Variants in KATNB1 observed in about 807,000 individuals in gnomAD.
KATNB1 encodes the protein katanin p80 WD40 repeat-containing subunit B1.
A neutral mutation model predicts 82.3 loss-of-function variants in KATNB1; 38 were observed. That is an observed-to-expected ratio of 0.46 (90% CI 0.36 to 0.61). The LOEUF (loss-of-function observed/expected upper bound fraction) is 0.61. KATNB1 is among the 20% of genes least tolerant of loss of function. The probability of loss-of-function intolerance (pLI) is 0.00; values close to 1 mark genes in which losing one functional copy is unlikely to be tolerated. For missense variants in KATNB1, 749 were observed against 915.7 expected (o/e 0.82, Z 2.35); for synonymous variants, 361 against 368.7 (o/e 0.98, Z 0.24).
intron 4 of KATNB1, 27 bp from the exon 5 acceptor site, chr16:57,750,800 C>T (rs376345574): frequency 1.1e-5 from 18 of 1,585,894 alleles, no homozygotes; most frequent in Non-Finnish European, 1.5e-5. Context: ...GCCTCTTAGC[C>T]ACTGTCTCTG....
intron 4 of KATNB1, among the ~76,000 whole-genome samples, chr16:57,750,411 C>T (rs531952920): frequency 6.6e-6 from 1 of 152,326 alleles, no homozygotes; most frequent in African/African-American, 2.4e-5. Flanking sequence ...GGGTGGATCA[C>T]TTGAGGTCAG....
At chr16:57,749,643 T>G (rs532020590) in intron 4 of KATNB1, among the ~76,000 whole-genome samples, 1 of 152,210 alleles carries the variant, frequency 6.6e-6, no homozygotes, top group Non-Finnish European at 1.5e-5. Context: ...TAGTGAATTA[T>G]GAATCTTTCC....
At chr16:57,747,497 C>T (rs1283483682) in intron 4 of KATNB1, among the ~76,000 whole-genome samples, 2 of 152,190 alleles carry the variant, frequency 1.3e-5, no homozygotes, top group Non-Finnish European at 2.9e-5. Flanking sequence ...GTGATGCTTG[C>T]CTACTCAGTG....
chr16:57,741,576 T>C (rs2049142193), intron 2 of KATNB1, 111 bp from the exon 3 acceptor site: 3 of 1,188,548 alleles, frequency 2.5e-6, no homozygotes, highest in Non-Finnish European at 3.6e-6. Flanking sequence ...AGGAGGCAGA[T>C]CCTTCCACTG....
intron 12 of KATNB1, among the ~76,000 whole-genome samples, 169 bp downstream of exon 12, chr16:57,753,688 C>G (rs2049250401): frequency 6.6e-6 from 1 of 152,046 alleles, no homozygotes; most frequent in South Asian, 2.1e-4. Context: ...AGGCTGTGCT[C>G]TGATGGAACT....
intron 8 of KATNB1, 55 bp from the exon 9 acceptor site, chr16:57,752,475 T>G: frequency 6.8e-7 from 1 of 1,467,620 alleles, no homozygotes. Flanking sequence ...CCCAGGGACA[T>G]GTGGAGGCCA....
rs542157746 is a variant in KATNB1 at position 57,752,222 on chromosome 16, A to G, written c.632+167A>G. 428 of 654,918 alleles carry G rather than the reference A, an allele frequency of 6.5e-4. 1 individual carries two copies. In the African/African-American group the frequency reaches 6.6e-3, roughly 10 times the overall value. 40.6% of individuals were successfully genotyped at this position (654,918 alleles called of 1,614,324 possible). Reference sequence around the variant, plus strand: ...CCGAGCCAGGACTGGACCCTGGTCCATCTCCCCTGGCTCTGGTTCCCTGGC... The same window carrying G: ...CCGAGCCAGGACTGGACCCTGGTCCGTCTCCCCTGGCTCTGGTTCCCTGGC... On this transcript the variant is annotated intron_variant, in intron 8 of 19. Coordinates refer to ENST00000379661, the MANE Select transcript of KATNB1 (RefSeq NM_005886.3).
Position 57,741,669 on chromosome 16 carries a change from C to G in KATNB1, c.41-18C>G, listed in dbSNP as rs782187127. 2.9e-5 allele frequency: 47 copies of G among 1,606,374 alleles called. No homozygotes were observed. In the South Asian group the frequency reaches 4.2e-4, roughly 14 times the overall value. ...ATCGGGCCGCCCTGATGGCCTCTCCCTCTCCTTCCCTGTGTAGAAGAGATC... is the reference window on the plus strand; with the variant it reads ...ATCGGGCCGCCCTGATGGCCTCTCCGTCTCCTTCCCTGTGTAGAAGAGATC... On this transcript the variant is annotated intron_variant, in intron 2 of 19. Transcript: ENST00000379661.
chr16:57,750,302 C>G (rs2049216130), intron 4 of KATNB1, among the ~76,000 whole-genome samples: 1 of 152,200 alleles, frequency 6.6e-6, no homozygotes, highest in Non-Finnish European at 1.5e-5. Flanking sequence ...CTTGAGGTAA[C>G]ATAGGGCTGT....
chr16:57,746,069 C>T (rs901549805), intron 4 of KATNB1, among the ~76,000 whole-genome samples: 3 of 152,180 alleles, frequency 2.0e-5, no homozygotes, highest in Admixed American at 2.0e-4. Flanking sequence ...GGAGCACATT[C>T]TTTTGTAGCT....
Position 57,755,189 on chromosome 16 carries a change from C to T in KATNB1, c.1367C>T (p.Pro456Leu), listed in dbSNP as rs782547989. Residue 456 changes from proline (P) to leucine (L), a missense_variant, in exon 15 of 20, where the codon CCT (proline) becomes CTT (leucine). Pro to Leu is a moderately conservative substitution (Grantham distance 98, BLOSUM62 -3). Transcript: ENST00000379661. ...PAPKAEPAIIPATRNEPIGLK... is the reference protein window; with the variant it reads ...PAPKAEPAIILATRNEPIGLK... ...CCCAAGGCTGAGCCTGCCATCATCC[C>T]TGCCACCCGGAACGAGCCCATCGGG... The T allele has an allele frequency of 5.0e-6, 8 of 1,612,368 alleles. No individual in the cohort carries two copies. The highest frequency in any genetic ancestry group is 6.8e-6 in the Non-Finnish European group (8 of 1,179,968).
In KATNB1 at chr16:57,741,257, AT is replaced by A. The variant is rs552620923; in HGVS notation, c.41-422del. On this transcript the variant is annotated intron_variant, in intron 2 of 19. Coordinates refer to ENST00000379661, the MANE Select transcript of KATNB1 (RefSeq NM_005886.3). ...AGGTGTGTAGGCAGTGCATGGGTCA[AT>A]TTTTTTTATTTCAATAATTGTTTTT... 5.9e-5 allele frequency among the ~76,000 whole-genome samples: 9 copies of A among 152,196 alleles called. No individual in the cohort carries two copies. The East Asian group carries it at 1.5e-3, about 26-fold the overall frequency.
chr16:57,753,318 G>A, intron 11 of KATNB1, 51 bp downstream of exon 11: 3 of 1,578,046 alleles, frequency 1.9e-6, no homozygotes, highest in Non-Finnish European at 2.6e-6. Flanking sequence ...TGTCACAGGG[G>A]AAGCCTCGGA....
At chr16:57,756,250 G>A in intron 18 of KATNB1, 106 bp from the exon 19 acceptor site, 1 of 1,138,750 alleles carries the variant, frequency 8.8e-7, no homozygotes, top group Non-Finnish European at 1.3e-6. Flanking sequence ...GTATGTGTGG[G>A]TGTGTCTGTG....
intron 13 of KATNB1, 84 bp downstream of exon 13, chr16:57,754,079 C>A: frequency 7.4e-6 from 9 of 1,208,110 alleles, no homozygotes; most frequent in Non-Finnish European, 1.1e-5. Flanking sequence ...TCCCAACAAG[C>A]CCCTTCCCAG....
intron 4 of KATNB1, among the ~76,000 whole-genome samples, chr16:57,749,966 C>T (rs1195606639): frequency 1.3e-5 from 2 of 152,230 alleles, no homozygotes; most frequent in African/African-American, 4.8e-5. Flanking sequence ...CCACCCCAGC[C>T]ATGCCCTCCA....
Position 57,755,145 on chromosome 16 carries a change from G to A in KATNB1, c.1323G>A (p.Val441=), listed in dbSNP as rs782403471. 6 of 1,612,602 alleles carry A rather than the reference G, an allele frequency of 3.7e-6. No homozygotes were observed. In the African/African-American group the frequency reaches 8.0e-5, roughly 22 times the overall value. ...TGGAGGTCCTGCCCCGGCCCCCAGT[G>A]GTTGCTTCCACACCTGCACCCAAGG... is the stretch of plus-strand genomic sequence containing the variant. ...PNLEVLPRPP[V]VASTPAPKAE... The change falls in exon 15 of 20, where the codon GTG becomes GTA. Residue 441 remains valine (V), a synonymous_variant. Coordinates refer to ENST00000379661, the MANE Select transcript of KATNB1 (RefSeq NM_005886.3).
chr16:57,738,260 A>G (rs867581791), intron 2 of KATNB1, among the ~76,000 whole-genome samples: 1 of 114,678 alleles, frequency 8.7e-6, no homozygotes, highest in Non-Finnish European at 1.7e-5. Context: ...AAGACTCCAC[A>G]CTTTTTTTTT....
At chr16:57,737,586 G>A (rs919666996) in intron 2 of KATNB1, among the ~76,000 whole-genome samples, 25 of 152,210 alleles carry the variant, frequency 1.6e-4, no homozygotes, top group African/African-American at 5.8e-4. Context: ...ACTTAGCACA[G>A]CATTTCCAGT....
Sources: allele counts gnomAD v4.1 joint callset (sites outside exome capture counted in the v4.1 genomes callset), GRCh38; gene constraint gnomAD v4.1.1; transcripts MANE v1.5; gene names NCBI Gene and HGNC (gene_info 2026-07-23, HGNC 2026-07-21).